The following PCDHA5 variants were observed in gnomAD, a reference collection of about 807,000 sequenced individuals.
PCDHA5 encodes the protein protocadherin alpha 5, also known as protocadherin alpha-5.
Under a neutral mutation model 61.6 loss-of-function variants are expected in PCDHA5, and 43 were observed. That is an observed-to-expected ratio of 0.70 (90% CI 0.55 to 0.90). The LOEUF is 0.90. PCDHA5 is among the 40% of genes least tolerant of loss of function. The probability of loss-of-function intolerance (pLI) is 0.00; values close to 1 mark genes in which losing one functional copy is unlikely to be tolerated. For synonymous variants in PCDHA5, 627 were observed against 543.9 expected (o/e 1.15, Z -2.13); for missense variants, 1,298 against 1,222.7 (o/e 1.06, Z -0.92).
In PCDHA5 at chr5:140,904,046, T is replaced by C. The variant is rs2153483198; in HGVS notation, c.2353-74903T>C. 2.0e-5 allele frequency among the ~76,000 whole-genome samples: 3 copies of C among 152,346 alleles called. No homozygotes were observed. The East Asian group carries it at 5.8e-4, about 29-fold the overall frequency. ...GTATAATTTAACTTTTTAATTTTTT[T>C]ATTTCAATGGGTTTTTGGGGAACAG... On this transcript the variant is annotated intron_variant, in intron 1 of 3. Coordinates refer to ENST00000529859, the MANE Select transcript of PCDHA5 (RefSeq NM_018908.3).
intron 1 of PCDHA5, chr5:140,853,216 G>T: frequency 1.0e-6 from 1 of 983,832 alleles, no homozygotes; most frequent in Non-Finnish European, 1.2e-6. Context: ...TGTATTGATG[G>T]GATTGGTAAT....
intron 1 of PCDHA5, chr5:140,927,252 C>A: frequency 6.2e-7 from 1 of 1,614,134 alleles, no homozygotes; most frequent in Non-Finnish European, 8.5e-7. Flanking sequence ...CCAATGACAA[C>A]TCACCTCTCT....
At chr5:140,999,806 A>G (rs1230100139) in intron 3 of PCDHA5, among the ~76,000 whole-genome samples, 1 of 152,152 alleles carries the variant, frequency 6.6e-6, no homozygotes, top group African/African-American at 2.4e-5. Context: ...TTTGGGCACA[A>G]AGCAAGAGCT....
chr5:140,841,817 T>G lies in PCDHA5; in HGVS notation c.2352+17690T>G, dbSNP rs142905144. On this transcript the variant is annotated intron_variant, in intron 1 of 3. Coordinates refer to ENST00000529859, the MANE Select transcript of PCDHA5 (RefSeq NM_018908.3). ...GTCCGATGCAGATGTTGGAGCTAAC[T>G]CCGTGTTAACCTACAGGCTTAGCTC... 5.3e-5 allele frequency: 85 copies of G among 1,613,922 alleles called. No individual in the cohort carries two copies. The African/African-American group carries it at 1.1e-3, about 20-fold the overall frequency.
chr5:140,884,819 A>G (rs782729760), intron 1 of PCDHA5: 398 of 1,018,150 alleles, frequency 3.9e-4, no homozygotes, highest in Admixed American at 1.1e-3. Context: ...TGTGGACATT[A>G]TGTGTTGGAT....
chr5:140,826,340 CCCTTT>C (rs1437907003), intron 1 of PCDHA5, among the ~76,000 whole-genome samples: 2 of 152,002 alleles, frequency 1.3e-5, no homozygotes, highest in African/African-American at 4.8e-5. Flanking sequence ...AGAAATTGAA[CCCTTT>C]GTTTGCCCAA....
At position 140,842,891 on chromosome 5, in the gene PCDHA5, G is replaced by T. The variant is rs2150347390; in HGVS notation, c.2352+18764G>T. On this transcript the variant is annotated intron_variant, in intron 1 of 3. Transcript: ENST00000529859. ...CAAGGTGTACGCGCTGCAGCCGCTGGACCACGAGGAGCTAGAGCTGCTGCA... is the reference window on the plus strand; with the variant it reads ...CAAGGTGTACGCGCTGCAGCCGCTGTACCACGAGGAGCTAGAGCTGCTGCA... 1.1e-5 allele frequency: 18 copies of T among 1,594,150 alleles called. No homozygotes were observed. The Admixed American group carries it at 3.0e-4, about 27-fold the overall frequency.
At chr5:140,836,032 C>A (rs1554135559) in intron 1 of PCDHA5, 2 of 1,613,416 alleles carry the variant, frequency 1.2e-6, no homozygotes, top group Non-Finnish European at 8.5e-7. Context: ...AGCAACGTGA[C>A]GCTGCAGGTG....
intron 1 of PCDHA5, among the ~76,000 whole-genome samples, chr5:140,975,197 C>T (rs1176492853): frequency 6.6e-6 from 1 of 152,230 alleles, no homozygotes; most frequent in Non-Finnish European, 1.5e-5. Flanking sequence ...TCTGCTCCAT[C>T]TTCATGGCTG....
At chr5:140,893,336 A>G (rs2063930718) in intron 1 of PCDHA5, among the ~76,000 whole-genome samples, 1 of 152,098 alleles carries the variant, frequency 6.6e-6, no homozygotes, top group Admixed American at 6.6e-5. Context: ...TGTTTTCCTT[A>G]GTGGCAGTGC....
In PCDHA5 at chr5:140,823,535, G is replaced by A. The variant is rs2150126738; in HGVS notation, c.1760G>A (p.Gly587Asp). ...SELVPRSVGA[G>D]HVVAKVRAVD... is the part of the protein sequence containing the mutation. ...CTGGTGCCGAGGTCAGTGGGTGCGG[G>A]CCACGTGGTGGCGAAGGTGCGCGCA... The change falls in exon 1 of 4, where the codon GGC becomes GAC. Residue 587 changes from glycine (G) to aspartate (D), a missense_variant. Transcript: ENST00000529859. 8.1e-6 allele frequency: 13 copies of A among 1,613,680 alleles called. No homozygotes were observed. The highest frequency in any genetic ancestry group is 2.7e-5 in the African/African-American group (2 of 74,928).
intron 1 of PCDHA5, chr5:140,836,726 C>A (rs1326875671): frequency 1.9e-6 from 3 of 1,610,534 alleles, no homozygotes; most frequent in Non-Finnish European, 2.5e-6. Context: ...AGGGTCCATC[C>A]TCTACAGACA....
chr5:140,852,980 G>C (rs782092693), intron 1 of PCDHA5: 1 of 347,518 alleles, frequency 2.9e-6, no homozygotes, highest in Non-Finnish European at 4.2e-6. Flanking sequence ...CCGTGTTCAC[G>C]CCATTCTCCT....
intron 1 of PCDHA5, among the ~76,000 whole-genome samples, chr5:140,893,662 A>C (rs1462433571): frequency 6.6e-6 from 1 of 152,204 alleles, no homozygotes; most frequent in Non-Finnish European, 1.5e-5. Flanking sequence ...GTTTTAAAAA[A>C]TTTCAGCACT....
chr5:140,929,074 G>T, intron 1 of PCDHA5: 2 of 1,614,182 alleles, frequency 1.2e-6, no homozygotes, highest in South Asian at 2.2e-5. Flanking sequence ...TCTGAGGTAT[G>T]GAAGTAAGAT....
At position 140,871,188 on chromosome 5, in the gene PCDHA5, C is replaced by G. The variant is rs782347896; in HGVS notation, c.2352+47061C>G. Reference sequence around the variant, plus strand: ...GCCCAGAGGCTGCGCTGGTGGATGTCAACGTGTACCTGATCATCGCCATCT... The same window carrying G: ...GCCCAGAGGCTGCGCTGGTGGATGTGAACGTGTACCTGATCATCGCCATCT... On this transcript the variant is annotated intron_variant, in intron 1 of 3. Transcript: ENST00000529859. 9.9e-6 allele frequency: 16 copies of G among 1,613,638 alleles called. 1 individual carries two copies. In the South Asian group the frequency reaches 1.8e-4, roughly 18 times the overall value.
At chr5:140,887,062 C>A (rs1183265871) in intron 1 of PCDHA5, among the ~76,000 whole-genome samples, 2 of 151,718 alleles carry the variant, frequency 1.3e-5, no homozygotes, top group African/African-American at 4.8e-5. Flanking sequence ...GTTCTGGCAA[C>A]AAATTCACTC....
intron 1 of PCDHA5, chr5:140,870,643 G>C (rs782549928): frequency 6.2e-7 from 1 of 1,612,678 alleles, no homozygotes; most frequent in African/African-American, 1.3e-5. Flanking sequence ...CGCGGAGAGC[G>C]GCAAGGTGTA....
chr5:140,902,956 G>A (rs1356131798), intron 1 of PCDHA5, among the ~76,000 whole-genome samples: 3 of 152,242 alleles, frequency 2.0e-5, no homozygotes, highest in Non-Finnish European at 4.4e-5. Context: ...TTATCCACTT[G>A]TTGGCTGATG....
Sources: allele counts gnomAD v4.1 joint callset (sites outside exome capture counted in the v4.1 genomes callset), GRCh38; gene constraint gnomAD v4.1.1; transcripts MANE v1.5; gene names NCBI Gene and HGNC (gene_info 2026-07-23, HGNC 2026-07-21).